FAM78B: variants seen among roughly 807,000 people sequenced by gnomAD.
FAM78B encodes family with sequence similarity 78 member B, also known as protein FAM78B.
FAM78B carries 10 observed loss-of-function variants against 20.0 expected under a neutral mutation model. The ratio of observed to expected loss-of-function variants is 0.50; its 90% CI spans 0.31 to 0.85. The LOEUF is 0.85. FAM78B is among the 40% of genes least tolerant of loss of function. The pLI is 0.05. For missense variants in FAM78B, 283 were observed against 345.0 expected (o/e 0.82, Z 1.42); for synonymous variants, 135 against 132.8 (o/e 1.02, Z -0.12).
At chr1:166,145,261 G>T (rs1266990464) in intron 1 of FAM78B, among the ~76,000 whole-genome samples, 2 of 152,196 alleles carry the variant, frequency 1.3e-5, no homozygotes, top group Non-Finnish European at 2.9e-5. Flanking sequence ...CATCAAAGCT[G>T]CTTCCATCAA....
At chr1:166,097,699 C>A (rs1653340491) in intron 1 of FAM78B, among the ~76,000 whole-genome samples, 1 of 152,154 alleles carries the variant, frequency 6.6e-6, no homozygotes, top group Non-Finnish European at 1.5e-5. Flanking sequence ...GGGAATCTTA[C>A]CCCCATCCCC....
intron 1 of FAM78B, among the ~76,000 whole-genome samples, chr1:166,109,862 G>GTATATATATATATA (rs1491187344): frequency 6.1e-5 from 1 of 16,272 alleles, no homozygotes; most frequent in Non-Finnish European, 1.3e-4. Flanking sequence ...ATATATATAT[G>GTATATATATATATA]TATGTGTATA....
At chr1:166,148,843 T>C (rs997144897) in intron 1 of FAM78B, among the ~76,000 whole-genome samples, 2 of 152,262 alleles carry the variant, frequency 1.3e-5, no homozygotes, top group African/African-American at 2.4e-5. Flanking sequence ...TAAGCATTCA[T>C]AAAAATTACA....
chr1:166,156,382 T>C (rs1362333349), intron 1 of FAM78B, among the ~76,000 whole-genome samples: 1 of 152,204 alleles, frequency 6.6e-6, no homozygotes, highest in African/African-American at 2.4e-5. Flanking sequence ...CCAATGCACA[T>C]GGCTCTGAGG....
At position 166,102,576 on chromosome 1, in the gene FAM78B, G is replaced by C. The variant is rs577339273; in HGVS notation, c.264-31813C>G. 9.9e-4 allele frequency among the ~76,000 whole-genome samples: 151 copies of C among 152,190 alleles called. 1 individual carries two copies. The highest frequency in any genetic ancestry group is 1.9e-3 in the Non-Finnish European group (126 of 67,992). On this transcript the variant is annotated intron_variant, in intron 1 of 1. Coordinates refer to ENST00000354422, the MANE Select transcript of FAM78B (RefSeq NM_001017961.5). Reference sequence around the variant, plus strand: ...TGCAATCCTAGTCTCTGATAAAACAGACTTTAAACCAACAAAGATCAAAAG... The same window carrying C: ...TGCAATCCTAGTCTCTGATAAAACACACTTTAAACCAACAAAGATCAAAAG...
intron 1 of FAM78B, among the ~76,000 whole-genome samples, chr1:166,131,256 C>G (rs1198359683): frequency 2.0e-5 from 3 of 152,110 alleles, no homozygotes; most frequent in African/African-American, 7.2e-5. Context: ...CCTCCCAAAG[C>G]ACTGGGATTA....
At chr1:166,083,650 G>A (rs1415164303) in intron 1 of FAM78B, among the ~76,000 whole-genome samples, 2 of 152,242 alleles carry the variant, frequency 1.3e-5, no homozygotes, top group Middle Eastern at 3.4e-3. Context: ...GACTACACGT[G>A]CGTGCCACCA....
intron 1 of FAM78B, among the ~76,000 whole-genome samples, chr1:166,096,869 C>G (rs80151345): frequency 0.2 from 29,699 of 152,142 alleles, 3,304 homozygotes; most frequent in East Asian, 0.38. Context: ...TGGTGGATGG[C>G]AGGCAAGACT....
chr1:166,101,770 G>C (rs917705964), intron 1 of FAM78B, among the ~76,000 whole-genome samples: 3 of 152,138 alleles, frequency 2.0e-5, no homozygotes, highest in Non-Finnish European at 4.4e-5. Flanking sequence ...ATGGAACCAA[G>C]TTGGAAAACA....
At chr1:166,126,377 T>C (rs1654641707) in intron 1 of FAM78B, among the ~76,000 whole-genome samples, 1 of 151,998 alleles carries the variant, frequency 6.6e-6, no homozygotes, top group Non-Finnish European at 1.5e-5. Flanking sequence ...ATAAACACAA[T>C]AAATGAGTAG....
chr1:166,115,668 T>A (rs145653036), intron 1 of FAM78B, among the ~76,000 whole-genome samples: 1 of 152,098 alleles, frequency 6.6e-6, no homozygotes, highest in East Asian at 1.9e-4. Context: ...AAGAAGGAGG[T>A]GAGTCCAGGA....
chr1:166,129,944 T>C (rs1654813863), intron 1 of FAM78B, among the ~76,000 whole-genome samples: 2 of 152,214 alleles, frequency 1.3e-5, no homozygotes, highest in Non-Finnish European at 2.9e-5. Flanking sequence ...CACAAGGTCT[T>C]ATCTCTTGCT....
At chr1:166,075,585 C>T (rs1222548586) in intron 1 of FAM78B, among the ~76,000 whole-genome samples, 1 of 152,200 alleles carries the variant, frequency 6.6e-6, no homozygotes, top group African/African-American at 2.4e-5. Context: ...TTGTGTTTGT[C>T]TTTGCATCCT....
intron 1 of FAM78B, among the ~76,000 whole-genome samples, chr1:166,077,624 AATAC>A (rs1347194800): frequency 1.4e-5 from 2 of 141,544 alleles, no homozygotes; most frequent in African/African-American, 5.2e-5. Flanking sequence ...AATTATATAT[AATAC>A]ATATAATTAT....
chr1:166,060,203 C>T (rs1033098234), exon 3 of FAM78B: 3 of 188,278 alleles, frequency 1.6e-5, no homozygotes, highest in South Asian at 9.8e-5. Flanking sequence ...AGATACAAAT[C>T]CCCCGTTTCC....
chr1:166,101,355 T>C (rs1489720718), intron 1 of FAM78B, among the ~76,000 whole-genome samples: 3 of 151,754 alleles, frequency 2.0e-5, no homozygotes, highest in South Asian at 2.1e-4. Context: ...CTTTGAGGAG[T>C]TGAGAGAAGA....
intron 1 of FAM78B, among the ~76,000 whole-genome samples, chr1:166,127,308 T>C (rs1190297307): frequency 6.6e-6 from 1 of 152,178 alleles, no homozygotes; most frequent in Non-Finnish European, 1.5e-5. Flanking sequence ...AGACTGCATA[T>C]ATATTGGCTG....
intron 1 of FAM78B, among the ~76,000 whole-genome samples, chr1:166,103,399 A>C (rs528252036): frequency 3.3e-5 from 5 of 152,206 alleles, no homozygotes; most frequent in African/African-American, 9.7e-5. Context: ...CCTTCAAAAA[A>C]TCAATGAATC....
At chr1:166,104,566 A>G (rs1040148989) in intron 1 of FAM78B, among the ~76,000 whole-genome samples, 11 of 144,734 alleles carry the variant, frequency 7.6e-5, no homozygotes, top group Admixed American at 7.4e-5. Flanking sequence ...AATAACAGAC[A>G]AACAGAGAGC....
Sources: allele counts gnomAD v4.1 joint callset (sites outside exome capture counted in the v4.1 genomes callset), GRCh38; gene constraint gnomAD v4.1.1; transcripts MANE v1.5; gene names NCBI Gene and HGNC (gene_info 2026-07-23, HGNC 2026-07-21).